Variants in PARN observed in about 807,000 individuals in gnomAD.
PARN encodes the protein poly(A)-specific ribonuclease.
A neutral mutation model predicts 102.8 loss-of-function variants in PARN; 71 were observed. That is an observed-to-expected ratio of 0.69 (90% confidence interval 0.57 to 0.84). The LOEUF (loss-of-function observed/expected upper bound fraction) is 0.84. PARN is among the 40% of genes least tolerant of loss of function. The probability of loss-of-function intolerance (pLI) is 0.00; values close to 1 mark genes in which losing one functional copy is unlikely to be tolerated. For missense variants in PARN, 782 were observed against 760.9 expected, an observed-to-expected ratio of 1.03 and a Z score of -0.33; for synonymous variants, 261 against 252.9, an observed-to-expected ratio of 1.03 and a Z score of -0.30.
chr16:14,568,014 A>G (rs1968531304), intron 18 of PARN, among the ~76,000 whole-genome samples: 1 of 152,098 alleles, frequency 6.6e-6, no homozygotes, highest in South Asian at 2.1e-4. Flanking sequence ...CTTTGCTTCT[A>G]TCAACACAGA....
intron 2 of PARN, 74 bp from the exon 3 acceptor site, chr16:14,628,325 G>A: frequency 8.6e-6 from 7 of 809,794 alleles, no homozygotes; most frequent in Non-Finnish European, 1.5e-5. Context: ...ATCATTCAGT[G>A]CCTCTATAAT....
chr16:14,491,673 G>T (rs958022453), intron 21 of PARN, among the ~76,000 whole-genome samples: 1 of 152,090 alleles, frequency 6.6e-6, no homozygotes, highest in Non-Finnish European at 1.5e-5. Context: ...TCAGAAGGCT[G>T]AAGTGGGAGG....
chr16:14,546,077 C>A (rs1462988561), intron 21 of PARN, among the ~76,000 whole-genome samples: 1 of 151,982 alleles, frequency 6.6e-6, no homozygotes, highest in African/African-American at 2.4e-5. Context: ...CTGGAATGAA[C>A]AAGGAAAAAT....
rs181841330 is a variant in PARN, at chr16:14,538,022, C to T, written c.1480+13999G>A. On this transcript the variant is annotated intron_variant, in intron 21 of 23. Transcript: ENST00000437198. Reference sequence around the variant, plus strand: ...TGATTTGATCATTACATACTGTATACATATATTGAAATGTGACTCTGAATC... The same window carrying T: ...TGATTTGATCATTACATACTGTATATATATATTGAAATGTGACTCTGAATC... 2.1e-3 allele frequency among the ~76,000 whole-genome samples: 323 copies of T among 152,156 alleles called. 4 individuals are homozygous for T. Among genetic ancestry groups the T allele is most frequent in the African/African-American group, 7.5e-3 (313 of 41,516 alleles).
intron 18 of PARN, among the ~76,000 whole-genome samples, chr16:14,566,217 T>C (rs565506825): frequency 6.9e-4 from 105 of 152,322 alleles, no homozygotes; most frequent in Middle Eastern, 3.4e-3. Flanking sequence ...TCTACTAAAA[T>C]GATAATATCT....
At chr16:14,441,355 T>C (rs886704316) in intron 23 of PARN, among the ~76,000 whole-genome samples, 2 of 152,234 alleles carry the variant, frequency 1.3e-5, no homozygotes, top group African/African-American at 2.4e-5. Context: ...TTTCTCCCCT[T>C]TACCTAACTG....
chr16:14,511,105 T>C (rs759449079), intron 21 of PARN, among the ~76,000 whole-genome samples: 5 of 152,196 alleles, frequency 3.3e-5, no homozygotes, highest in Admixed American at 6.5e-5. Context: ...ATCACATCTA[T>C]GAAATTATTT....
chr16:14,507,052 C>A (rs1316534613), intron 21 of PARN, among the ~76,000 whole-genome samples: 1 of 152,118 alleles, frequency 6.6e-6, no homozygotes, highest in Non-Finnish European at 1.5e-5. Flanking sequence ...CTGGGCCAGG[C>A]GTGGTGGCTC....
chr16:14,580,746 C>A lies in PARN; in HGVS notation c.1262+128G>T, dbSNP rs571621515. 33 of 546,762 alleles carry A rather than the reference C, an allele frequency of 6.0e-5. 1 individual carries two copies. The South Asian group carries it at 9.4e-4, about 16-fold the overall frequency. The allele number at this position is 546,762 out of a possible 1,614,324, so 33.9% of individuals were successfully genotyped here. On this transcript the variant is annotated intron_variant, in intron 18 of 23. Transcript: ENST00000437198. Reference sequence around the variant, plus strand: ...TTCTACTTTCAAAAAACATGTGAGTCACTCGAGATGAAAAACAGCTTATCT... The same window carrying A: ...TTCTACTTTCAAAAAACATGTGAGTAACTCGAGATGAAAAACAGCTTATCT...
rs940008177 is a variant in PARN, at chr16:14,519,372, C to T, written c.1480+32649G>A. On this transcript the variant is annotated intron_variant, in intron 21 of 23. Transcript: ENST00000437198. ...GGAGGGGAGGGGAGGGGAGGAAGAA[C>T]ATTTTCTGAGCTCTGTCTGTTGTAA... 4.0e-5 allele frequency among the ~76,000 whole-genome samples: 6 copies of T among 148,622 alleles called. No individual in the cohort carries two copies. In the East Asian group the frequency reaches 1.0e-3, roughly 25 times the overall value.
intron 21 of PARN, among the ~76,000 whole-genome samples, chr16:14,522,616 A>G (rs1965793647): frequency 6.6e-6 from 1 of 152,080 alleles, no homozygotes; most frequent in East Asian, 1.9e-4. Flanking sequence ...GGAAAACAAG[A>G]CCAGGTACAG....
chr16:14,530,140 G>C (rs150099724), intron 21 of PARN, among the ~76,000 whole-genome samples: 3 of 152,118 alleles, frequency 2.0e-5, no homozygotes, highest in Admixed American at 2.0e-4. Context: ...AAGGTGGACA[G>C]AGAGAGGACT....
At chr16:14,571,962 T>C (rs375129335) in intron 18 of PARN, among the ~76,000 whole-genome samples, 1 of 152,212 alleles carries the variant, frequency 6.6e-6, no homozygotes, top group Admixed American at 6.5e-5. Flanking sequence ...TAAATTCAAA[T>C]GGAAATGAAT....
chr16:14,438,743 C>G (rs1960820147), intron 23 of PARN, among the ~76,000 whole-genome samples: 1 of 152,152 alleles, frequency 6.6e-6, no homozygotes, highest in Admixed American at 6.5e-5. Flanking sequence ...TGGCTGTTCC[C>G]CAGAAAGCCA....
At chr16:14,604,696 A>C (rs1971078101) in intron 10 of PARN, among the ~76,000 whole-genome samples, 1 of 151,268 alleles carries the variant, frequency 6.6e-6, no homozygotes, top group Non-Finnish European at 1.5e-5. Flanking sequence ...GCTCACTGCA[A>C]ACTCTGCCTC....
chr16:14,458,214 T>A (rs1961778042), intron 22 of PARN, among the ~76,000 whole-genome samples: 1 of 152,158 alleles, frequency 6.6e-6, no homozygotes, highest in African/African-American at 2.4e-5. Flanking sequence ...AAATATATTA[T>A]CAATATACAA....
intron 13 of PARN, among the ~76,000 whole-genome samples, chr16:14,591,284 G>A (rs993210592): frequency 3.3e-5 from 5 of 152,122 alleles, no homozygotes; most frequent in Non-Finnish European, 5.9e-5. Context: ...CCAGCTACTC[G>A]GGAGGCTGAG....
At chr16:14,569,628 A>C (rs1968665297) in intron 18 of PARN, among the ~76,000 whole-genome samples, 2 of 152,238 alleles carry the variant, frequency 1.3e-5, no homozygotes, top group Admixed American at 1.3e-4. Context: ...TAATACAATT[A>C]CAAAAGAAAA....
In PARN at chr16:14,443,715, T is replaced by C. The variant is rs528656562; in HGVS notation, c.1864+3173A>G. ...GTTCTGGGATTGCTACAACATAGGA[T>C]ATTCCAGCGTCCTAATTTTTGCTAC... On this transcript the variant is annotated intron_variant, in intron 23 of 23. Coordinates refer to ENST00000437198, the MANE Select transcript of PARN (RefSeq NM_002582.4). Among the ~76,000 whole-genome samples, 4 of 152,350 alleles carry C rather than the reference T, an allele frequency of 2.6e-5. No homozygotes were observed. In the East Asian group the frequency reaches 7.7e-4, roughly 29 times the overall value.
Sources: gnomAD v4.1 joint callset for allele counts (sites outside exome capture counted in the v4.1 genomes callset) on GRCh38, gnomAD v4.1.1 for gene constraint, MANE v1.5 for transcripts, NCBI Gene and HGNC (gene_info 2026-07-23, HGNC 2026-07-21) for gene names.